ING5: variants seen among roughly 807,000 people sequenced by gnomAD.
ING5 encodes the protein inhibitor of growth family member 5.
In ING5, 17 loss-of-function variants were observed where a neutral mutation model predicts 37.4. That is an observed-to-expected ratio of 0.45 (90% CI 0.31 to 0.68). The LOEUF is 0.68. ING5 is among the 30% of genes least tolerant of loss of function. The pLI, the probability that ING5 is intolerant of heterozygous loss-of-function variation, is 0.05. For synonymous variants in ING5, 123 were observed against 116.6 expected, an observed-to-expected ratio of 1.06 and a Z score of -0.36; for missense variants, 233 against 311.9, an observed-to-expected ratio of 0.75 and a Z score of 1.91.
At chr2:241,694,814 C>T (rs966516014) in intron 2 of ING5, among the ~76,000 whole-genome samples, 4 of 140,982 alleles carry the variant, frequency 2.8e-5, no homozygotes, top group African/African-American at 1.1e-4. Flanking sequence ...GTCAGGAGTT[C>T]GAGACCAGCC....
At chr2:241,714,067 G>C (rs182661491) in intron 5 of ING5, among the ~76,000 whole-genome samples, 2 of 151,872 alleles carry the variant, frequency 1.3e-5, no homozygotes, top group African/African-American at 4.8e-5. Context: ...GAACAAACAT[G>C]GTTTAATTAA....
At chr2:241,705,469 C>T (rs1284750922) in intron 2 of ING5, among the ~76,000 whole-genome samples, 2 of 144,936 alleles carry the variant, frequency 1.4e-5, no homozygotes, top group Non-Finnish European at 3.0e-5. Flanking sequence ...ACGATCTTGG[C>T]TCACTGCAAC....
At chr2:241,710,033 C>T (rs2070058368) in intron 3 of ING5, among the ~76,000 whole-genome samples, 1 of 152,064 alleles carries the variant, frequency 6.6e-6, no homozygotes, top group Non-Finnish European at 1.5e-5. Flanking sequence ...ACCTCCACCT[C>T]CTGGGTTTAA....
rs7580765 is a variant in ING5, at chr2:241,705,163, C to A, written c.109+439C>A. On this transcript the variant is annotated intron_variant, in intron 2 of 7. Transcript: ENST00000313552. The stretch of plus-strand genomic sequence containing the variant: ...GATCTCAGCTCACTGCAAGCTCTGC[C>A]TCCTGGGTTCACACCATTCTCTTGC... Among the ~76,000 whole-genome samples the A allele has an allele frequency of 1.8e-3, 275 of 152,202 alleles. 1 individual carries two copies. The highest frequency in any genetic ancestry group is 6.3e-3 in the African/African-American group (262 of 41,518).
At chr2:241,691,457 CAAA>C (rs202107841) in intron 2 of ING5, among the ~76,000 whole-genome samples, 3 of 150,976 alleles carry the variant, frequency 2.0e-5, no homozygotes, top group African/African-American at 7.3e-5. Context: ...AAAACAAAAA[CAAA>C]AAAACTGAAG....
intron 7 of ING5, chr2:241,723,807 A>AT (rs1168320427): frequency 6.3e-7 from 1 of 1,597,288 alleles, no homozygotes; most frequent in South Asian, 1.1e-5. Flanking sequence ...TTTAAATAAA[A>AT]ACCTGTAGTC....
intron 5 of ING5, chr2:241,712,389 G>T (rs1246647126): frequency 3.7e-6 from 1 of 271,184 alleles, no homozygotes; most frequent in Non-Finnish European, 7.0e-6. Flanking sequence ...CTAGGGACAG[G>T]AGGATGGTGA....
At chr2:241,719,357 G>GC (rs2070367204) in intron 5 of ING5, 1 of 649,050 alleles carries the variant, frequency 1.5e-6, no homozygotes, top group African/African-American at 1.8e-5. Context: ...GGCGGACGCC[G>GC]CCCCCAACCC....
intron 5 of ING5, chr2:241,720,826 G>T (rs2070412482): frequency 1.0e-5 from 10 of 985,752 alleles, no homozygotes; most frequent in Non-Finnish European, 1.2e-5. Context: ...TGGCCTCCTG[G>T]TTGCCTCCCT....
chr2:241,720,327 G>C (rs1188625597), intron 5 of ING5: 1 of 1,218,684 alleles, frequency 8.2e-7, no homozygotes, highest in Non-Finnish European at 1.0e-6. Context: ...TCTGCCTCAA[G>C]GCAGGTCCTG....
chr2:241,710,126 G>C (rs905540063), intron 3 of ING5, among the ~76,000 whole-genome samples: 3 of 142,936 alleles, frequency 2.1e-5, no homozygotes, highest in African/African-American at 7.7e-5. Context: ...TTATTTTTGA[G>C]ATGGACTTTT....
chr2:241,712,196 T>A lies in ING5; in HGVS notation c.482+125T>A, dbSNP rs562887258. 3.8e-6 allele frequency: 3 copies of A among 780,410 alleles called. No homozygotes were observed. The African/African-American group carries it at 5.3e-5, about 14-fold the overall frequency. The allele number at this position is 780,410 out of a possible 1,614,324, so 48.3% of individuals were successfully genotyped here. On this transcript the variant is annotated intron_variant, in intron 5 of 7. Transcript: ENST00000313552. ...CCCGTGTGCCGGGTGGTATTCTGAT[T>A]CTTACGCTGCGCGCCTGTCGTCAGC...
upstream of ING5, among the ~76,000 whole-genome samples, chr2:241,698,847 C>A (rs113283959): frequency 6.6e-6 from 1 of 150,800 alleles, no homozygotes; most frequent in Non-Finnish European, 1.5e-5. Flanking sequence ...TCCTGCCTCA[C>A]CTTCCCAAGT....
At chr2:241,714,057 G>A (rs1440326732) in intron 5 of ING5, among the ~76,000 whole-genome samples, 2 of 151,542 alleles carry the variant, frequency 1.3e-5, no homozygotes, top group Non-Finnish European at 2.9e-5. Flanking sequence ...AAACCGCACA[G>A]AACAAACATG....
At chr2:241,687,988 T>C (rs1468027366) in exon 1 of ING5, 1 of 152,128 alleles carries the variant, frequency 6.6e-6, no homozygotes, top group Non-Finnish European at 1.5e-5. Flanking sequence ...CCGCGAAGTG[T>C]CCCCGGTATC....
At position 241,722,477 on chromosome 2, in the gene ING5, G is replaced by A. The variant is rs142814611; in HGVS notation, c.483-462G>A. 8.7e-3 allele frequency: 8,610 copies of A among 985,366 alleles called. 45 individuals carry two copies. The highest frequency in any genetic ancestry group is 0.013 in the South Asian group (275 of 21,276). The allele number at this position is 985,366 out of a possible 1,614,324, so 61.0% of individuals were successfully genotyped here. A position where few individuals can be genotyped will look rare whatever the true frequency, so the allele number is the denominator to read the frequency against. Reference sequence around the variant, plus strand: ...TGCCCCCATGCCCCTGCCTGGGCCCGAAGGTGGGCGCGAGGTCTCCACCCC... The same window carrying A: ...TGCCCCCATGCCCCTGCCTGGGCCCAAAGGTGGGCGCGAGGTCTCCACCCC... On this transcript the variant is annotated intron_variant, in intron 5 of 7. Transcript: ENST00000313552.
intron 2 of ING5, among the ~76,000 whole-genome samples, chr2:241,706,518 A>G (rs1303532055): frequency 6.6e-6 from 1 of 151,496 alleles, no homozygotes; most frequent in Admixed American, 6.6e-5. Context: ...AATCCCAGCT[A>G]ATTGGGAGGC....
chr2:241,702,530 G>A (rs921849966), intron 1 of ING5, among the ~76,000 whole-genome samples: 1 of 147,128 alleles, frequency 6.8e-6, no homozygotes, highest in Non-Finnish European at 1.5e-5. Context: ...GGCCTTGGGG[G>A]CTCCGGGGTC....
At chr2:241,690,373 GA>G in exon 2 of ING5, 1 of 378,898 alleles carries the variant, frequency 2.6e-6, no homozygotes. Flanking sequence ...GACATTACAT[GA>G]AGTCCAGTGT....
Sources: allele counts gnomAD v4.1 joint callset (sites outside exome capture counted in the v4.1 genomes callset), GRCh38; gene constraint gnomAD v4.1.1; transcripts MANE v1.5; gene names NCBI Gene and HGNC (gene_info 2026-07-23, HGNC 2026-07-21).